The following ARHGAP24 variants were observed in gnomAD, a reference collection of about 807,000 sequenced individuals.
ARHGAP24 encodes rho GTPase-activating protein 24.
A neutral mutation model predicts 76.4 loss-of-function variants in ARHGAP24; 50 were observed. That is an observed-to-expected ratio of 0.65 (90% CI 0.52 to 0.83). The LOEUF (loss-of-function observed/expected upper bound fraction) is 0.83, where lower values mean the gene tolerates loss of function less well. ARHGAP24 is among the 40% of genes least tolerant of loss of function. The pLI is 0.00. For missense variants in ARHGAP24, 930 were observed against 914.2 expected, an observed-to-expected ratio of 1.02 and a Z score of -0.22; for synonymous variants, 345 against 323.3, an observed-to-expected ratio of 1.07 and a Z score of -0.72.
At chr4:85,762,349 T>C (rs542798706) in intron 3 of ARHGAP24, among the ~76,000 whole-genome samples, 1 of 152,156 alleles carries the variant, frequency 6.6e-6, no homozygotes, top group Non-Finnish European at 1.5e-5. Flanking sequence ...CATATGATAC[T>C]TTTTCTTTGA....
intron 2 of ARHGAP24, among the ~76,000 whole-genome samples, chr4:85,703,919 C>T (rs1014622618): frequency 1.3e-5 from 2 of 152,098 alleles, no homozygotes; most frequent in Non-Finnish European, 1.5e-5. Flanking sequence ...TCCCCAATGC[C>T]CCTTTGCAGT....
At chr4:85,743,392 CAAAAAAAAAAAAAAAAAAAAAAAAAAAAA>C (rs774717006) in intron 3 of ARHGAP24, among the ~76,000 whole-genome samples, 2 of 43,346 alleles carry the variant, frequency 4.6e-5, no homozygotes, top group Non-Finnish European at 8.1e-5. Context: ...GATCCCATCT[CAAAAAAAAAAAAAAAAAAAAAAAAAAAAA>C]AAAAAAAAAA....
Position 85,570,550 on chromosome 4 carries a change from G to A in ARHGAP24, c.9G>A (p.Glu3=). ...AGTCCATCAGCTTGATAATGGAGGA[G>A]AACAATGACTCCACGGAGAACCCCC... is the stretch of plus-strand genomic sequence containing the variant. ME[E]NNDSTENPQQ... Residue 3 remains glutamate, a synonymous_variant, in exon 2 of 10, where the codon GAG becomes GAA. Transcript: ENST00000395184. 1 of 1,613,776 alleles carries A rather than the reference G, an allele frequency of 6.2e-7. No homozygotes were observed. The highest frequency in any genetic ancestry group is 8.5e-7 in the Non-Finnish European group (1 of 1,179,984).
intron 3 of ARHGAP24, among the ~76,000 whole-genome samples, chr4:85,836,775 A>C (rs763332521): frequency 9.2e-5 from 14 of 152,158 alleles, no homozygotes; most frequent in Non-Finnish European, 1.5e-4. Context: ...CCTCCATGCT[A>C]TTCGAAGTGT....
At chr4:85,853,991 C>A (rs116606460) in intron 3 of ARHGAP24, among the ~76,000 whole-genome samples, 6 of 150,702 alleles carry the variant, frequency 4.0e-5, no homozygotes, top group Non-Finnish European at 8.9e-5. Context: ...CCCAATTAGC[C>A]GGGCGTGGTG....
At chr4:85,669,644 A>AATATATATAT (rs58332235) in intron 2 of ARHGAP24, among the ~76,000 whole-genome samples, 1 of 93,214 alleles carries the variant, frequency 1.1e-5, no homozygotes, top group Non-Finnish European at 2.2e-5. Flanking sequence ...TGTACTTTCA[A>AATATATATAT]ATATATATAT....
intron 5 of ARHGAP24, among the ~76,000 whole-genome samples, chr4:85,947,904 G>A (rs925828602): frequency 6.6e-6 from 1 of 151,948 alleles, no homozygotes; most frequent in Non-Finnish European, 1.5e-5. Context: ...AAGAAAACAG[G>A]ATCAATTAAT....
chr4:85,475,169 C>A lies in ARHGAP24; in HGVS notation c.-411C>A, dbSNP rs72970764. On this transcript the variant is annotated 5_prime_UTR_variant, in exon 1 of 10. Coordinates refer to ENST00000395184, the MANE Select transcript of ARHGAP24 (RefSeq NM_001025616.3). Reference sequence around the variant, plus strand: ...ATCACCCTTTCTAACTTCTGGGACTCTTTGCGCAACTGCTAGGATTTCTCA... The same window carrying A: ...ATCACCCTTTCTAACTTCTGGGACTATTTGCGCAACTGCTAGGATTTCTCA... 6.6e-6 allele frequency: 1 copy of A among 152,460 alleles called. No individual in the cohort carries two copies. The highest frequency in any genetic ancestry group is 2.4e-5 in the African/African-American group (1 of 41,468). The allele number at this position is 152,460 out of a possible 1,614,324, so 9.4% of individuals were successfully genotyped here. A position where few individuals can be genotyped will look rare whatever the true frequency, so the allele number is the denominator to read the frequency against.
chr4:85,652,539 T>C (rs922461398), intron 2 of ARHGAP24, among the ~76,000 whole-genome samples: 12 of 152,332 alleles, frequency 7.9e-5, no homozygotes, highest in Middle Eastern at 3.4e-3. Flanking sequence ...AAAATTGACT[T>C]GTTCTCATAT....
intron 3 of ARHGAP24, among the ~76,000 whole-genome samples, chr4:85,744,823 C>A (rs1190307768): frequency 1.3e-5 from 2 of 152,150 alleles, no homozygotes; most frequent in Non-Finnish European, 2.9e-5. Context: ...AAAAATATAT[C>A]TTTCCCCATG....
chr4:85,521,873 G>C (rs1653423945), intron 1 of ARHGAP24, among the ~76,000 whole-genome samples: 1 of 152,056 alleles, frequency 6.6e-6, no homozygotes, highest in Admixed American at 6.6e-5. Context: ...TGACGATCAA[G>C]AGCAGTAACC....
chr4:85,883,248 G>C (rs2148770401), intron 3 of ARHGAP24, among the ~76,000 whole-genome samples: 1 of 152,310 alleles, frequency 6.6e-6, no homozygotes, highest in East Asian at 1.9e-4. Context: ...AGGGACACCT[G>C]GTTGAAAGGG....
intron 1 of ARHGAP24, among the ~76,000 whole-genome samples, chr4:85,512,913 C>T (rs564244362): frequency 1.3e-5 from 2 of 152,328 alleles, no homozygotes; most frequent in Admixed American, 6.5e-5. Flanking sequence ...ATTCACACCC[C>T]AGAGGACAGA....
At chr4:85,804,054 G>T (rs1297881683) in intron 3 of ARHGAP24, among the ~76,000 whole-genome samples, 1 of 151,498 alleles carries the variant, frequency 6.6e-6, no homozygotes, top group Non-Finnish European at 1.5e-5. Context: ...TGGGTTCAAG[G>T]TACACTCCTG....
chr4:85,968,090 G>A (rs1738738173), intron 5 of ARHGAP24, among the ~76,000 whole-genome samples: 1 of 151,976 alleles, frequency 6.6e-6, no homozygotes, highest in Admixed American at 6.6e-5. Flanking sequence ...TACTGAGTTA[G>A]GTTGCAGTTA....
intron 3 of ARHGAP24, among the ~76,000 whole-genome samples, chr4:85,743,648 C>T (rs1725916234): frequency 6.6e-6 from 1 of 151,598 alleles, no homozygotes; most frequent in Non-Finnish European, 1.5e-5. Flanking sequence ...ACTGTTGTAC[C>T]AAAGTAACAG....
chr4:85,856,645 A>G (rs1731590450), intron 3 of ARHGAP24, among the ~76,000 whole-genome samples: 1 of 151,814 alleles, frequency 6.6e-6, no homozygotes, highest in African/African-American at 2.4e-5. Flanking sequence ...TAATTTTTGT[A>G]TTTTTAGTAG....
chr4:85,996,735 A>G (rs1740684231), intron 9 of ARHGAP24, among the ~76,000 whole-genome samples: 1 of 152,170 alleles, frequency 6.6e-6, no homozygotes. Flanking sequence ...AGATTTAAAG[A>G]AAAATATAGG....
chr4:85,728,538 T>C (rs1257479751), intron 3 of ARHGAP24, among the ~76,000 whole-genome samples: 1 of 152,210 alleles, frequency 6.6e-6, no homozygotes, highest in African/African-American at 2.4e-5. Context: ...ATTCAGTTGT[T>C]CTTTCTCCTG....
Sources: allele counts gnomAD v4.1 joint callset (sites outside exome capture counted in the v4.1 genomes callset), GRCh38; gene constraint gnomAD v4.1.1; transcripts MANE v1.5; gene names NCBI Gene and HGNC (gene_info 2026-07-23, HGNC 2026-07-21).